Variants in DDB1 observed in about 807,000 individuals in gnomAD.
DDB1 encodes DNA damage-binding protein 1.
A neutral mutation model predicts 133.1 loss-of-function variants in DDB1; 18 were observed. That is an observed-to-expected ratio of 0.14 (90% confidence interval 0.09 to 0.20). DDB1 has a LOEUF of 0.20. DDB1 is among the 10% of genes least tolerant of loss of function. DDB1 has a pLI of 1.00. For synonymous variants in DDB1, 580 were observed against 550.5 expected (o/e 1.05, Z -0.75); for missense variants, 828 against 1,459.2 (o/e 0.57, Z 7.05).
intron 12 of DDB1, chr11:61,315,258 A>G (rs1856044474): frequency 6.6e-6 from 1 of 152,244 alleles, no homozygotes; most frequent in Non-Finnish European, 1.5e-5. Flanking sequence ...GTATAGAAAT[A>G]TATTGTATAA....
At position 61,333,038 on chromosome 11, in the gene DDB1, G is replaced by A; in HGVS notation, c.-70C>T. On this transcript the variant is annotated 5_prime_UTR_variant, in exon 1 of 27. Coordinates refer to ENST00000301764, the MANE Select transcript of DDB1 (RefSeq NM_001923.5). The stretch of plus-strand genomic sequence containing the variant: ...AAAGAGGGACACAAGCGAAAAGACA[G>A]GTGGCCCCCAACAGCGCGCAGCGAA... 1.4e-6 allele frequency: 2 copies of A among 1,383,598 alleles called. No individual in the cohort carries two copies. The highest frequency in any genetic ancestry group is 9.7e-7 in the Non-Finnish European group (1 of 1,036,146). The allele number at this position is 1,383,598 out of a possible 1,614,324, so 85.7% of individuals were successfully genotyped here. A position where few individuals can be genotyped will look rare whatever the true frequency, so the allele number is the denominator to read the frequency against.
At chr11:61,317,171 T>C (rs1856101916) in intron 10 of DDB1, among the ~76,000 whole-genome samples, 1 of 151,780 alleles carries the variant, frequency 6.6e-6, no homozygotes, top group Non-Finnish European at 1.5e-5. Context: ...TGGAGTGCAG[T>C]GGCCCGATCT....
At chr11:61,315,687 C>CGGTGGTCGCCGTAT in intron 12 of DDB1, 1 of 152,648 alleles carries the variant, frequency 6.6e-6, no homozygotes, top group Admixed American at 6.5e-5. Context: ...CAGGGTCACT[C>CGGTGGTCGCCGTAT]CAAACTTCAA....
In DDB1 at chr11:61,329,589, GA is replaced by G. The variant is rs1565039242; in HGVS notation, c.328-6del. 6.2e-7 allele frequency: 1 copy of G among 1,604,156 alleles called. No individual in the cohort carries two copies. The highest frequency in any genetic ancestry group is 2.2e-5 in the East Asian group (1 of 44,538). ...TGAGGGGCGGCCAATGCGGTCCTGA[GA>G]AACAAAATCGGGATTAGGGAAGAAC... On this transcript the variant is annotated splice_region_variant and splice_polypyrimidine_tract_variant and intron_variant, in intron 3 of 26. Transcript: ENST00000301764.
In DDB1 at chr11:61,325,605, G is replaced by C. The variant is rs182857020; in HGVS notation, c.762+6C>G. 1.1e-5 allele frequency: 18 copies of C among 1,611,500 alleles called. No individual in the cohort carries two copies. The highest frequency in any genetic ancestry group is 1.4e-5 in the Non-Finnish European group (17 of 1,178,116). ...TGAAAGGAAAAAAAGGTAGGACTGC[G>C]CTCACCTTGATGATAGGAGGGGCAA... On this transcript the variant is annotated splice_donor_region_variant and intron_variant, in intron 6 of 26. Transcript: ENST00000301764.
At chr11:61,314,576 C>A (rs762875592) in intron 12 of DDB1, 90 bp from the exon 13 acceptor site, 1 of 1,292,894 alleles carries the variant, frequency 7.7e-7, no homozygotes, top group South Asian at 1.5e-5. Context: ...CCTAATAGAG[C>A]CCTACGAATA....
chr11:61,311,636 T>C, intron 18 of DDB1, 148 bp downstream of exon 18: 2 of 648,728 alleles, frequency 3.1e-6, no homozygotes, highest in Non-Finnish European at 5.2e-6. Context: ...TGCCTACAGC[T>C]GCTTTCAGGC....
Position 61,312,000 on chromosome 11 carries a change from AT to A in DDB1, c.2153del (p.Tyr718LeufsTer35). 3.1e-6 allele frequency: 5 copies of A among 1,614,190 alleles called. No homozygotes were observed. The highest frequency in any genetic ancestry group is 4.2e-6 in the Non-Finnish European group (5 of 1,180,034). ...ACCCTGGGCCTCACCTTGGAGACTC[AT>A]AGAGGGGAACTGTGCGAATGTGCAG... ...QKLHIRTVPL[Y>X]ESPRKICYQE... On this transcript the variant is annotated frameshift_variant, in exon 17 of 27. Coordinates refer to ENST00000301764, the MANE Select transcript of DDB1 (RefSeq NM_001923.5). LOFTEE classifies it high-confidence loss of function.
rs779439822 is a variant in DDB1, at chr11:61,302,319, C to T, written c.3153G>A (p.Leu1051=). Reference sequence around the variant, plus strand: ...TATTGAGTCGATTCTGCATGTCCAGCAGGAGGTTGTACCAGCTCTCTGACA... The same window carrying T: ...TATTGAGTCGATTCTGCATGTCCAGTAGGAGGTTGTACCAGCTCTCTGACA... ...TSLSESWYNL[L]LDMQNRLNKV... is the part of the protein sequence containing the mutation. Residue 1051 remains leucine (L), a synonymous_variant, in exon 25 of 27, where the codon CTG becomes CTA. Coordinates refer to ENST00000301764, the MANE Select transcript of DDB1 (RefSeq NM_001923.5). 2 of 1,614,086 alleles carry T rather than the reference C, an allele frequency of 1.2e-6. No individual in the cohort carries two copies. Among genetic ancestry groups the T allele is most frequent in the Non-Finnish European group, 1.7e-6 (2 of 1,180,034 alleles).
intron 6 of DDB1, among the ~76,000 whole-genome samples, chr11:61,324,879 T>G (rs1051962210): frequency 6.6e-6 from 1 of 152,212 alleles, no homozygotes; most frequent in Non-Finnish European, 1.5e-5. Context: ...CTGGGCACAG[T>G]GGCTCATGCC....
chr11:61,323,073 T>C lies in DDB1; in HGVS notation c.943A>G (p.Thr315Ala), dbSNP rs761566175. 6.2e-7 allele frequency: 1 copy of C among 1,613,922 alleles called. No individual in the cohort carries two copies. The highest frequency in any genetic ancestry group is 8.5e-7 in the Non-Finnish European group (1 of 1,179,974). ...AACACAACACCATTATCAAGGTATG[T>C]CAAGCACTCAGCAATAGAGGTCTGG... ...LGETSIAECL[T>A]YLDNGVVFVG... is the part of the protein sequence containing the mutation. The change falls in exon 8 of 27, where the codon ACA becomes GCA. Residue 315 changes from threonine (T) to alanine (A), a missense_variant. Physicochemically the swap from Thr to Ala is moderately conservative, Grantham distance 58. Transcript: ENST00000301764.
chr11:61,307,207 C>A (rs932616151), intron 21 of DDB1, among the ~76,000 whole-genome samples: 2 of 152,352 alleles, frequency 1.3e-5, no homozygotes, highest in Admixed American at 6.5e-5. Context: ...AAATTCTTAT[C>A]CTGAAATTTC....
At chr11:61,319,277 T>C (rs1217840814) in intron 10 of DDB1, among the ~76,000 whole-genome samples, 1 of 152,174 alleles carries the variant, frequency 6.6e-6, no homozygotes, top group Non-Finnish European at 1.5e-5. Context: ...ACCACTATCA[T>C]ACACTGAATT....
rs1359630394 is a variant in DDB1 at position 61,316,352 on chromosome 11, A to C, written c.1343T>G (p.Leu448Arg). Residue 448 changes from leucine (L) to arginine (R), a missense_variant, in exon 12 of 27, where the codon CTG becomes CGG. Physicochemically the swap from Leu to Arg is moderately radical, Grantham distance 102 (BLOSUM62 -2). Transcript: ENST00000301764. ...CTGCTGATCATCCACGAAACCCATC[A>C]GTTCGGTTTCTTCTACCTCCTCTCC... ...LNGEEVEETE[L>R]MGFVDDQQTF... 1.2e-6 allele frequency: 2 copies of C among 1,614,046 alleles called. No homozygotes were observed. Among genetic ancestry groups the C allele is most frequent in the African/African-American group, 2.7e-5 (2 of 74,898 alleles).
intron 16 of DDB1, 66 bp downstream of exon 16, chr11:61,313,433 G>GT: frequency 6.9e-7 from 1 of 1,451,092 alleles, no homozygotes; most frequent in Non-Finnish European, 9.6e-7. Flanking sequence ...TGAGGTAAGG[G>GT]TTTGAGGAAA....
chr11:61,313,444 A>G, intron 16 of DDB1, 55 bp downstream of exon 16: 1 of 1,507,956 alleles, frequency 6.6e-7, no homozygotes, highest in Non-Finnish European at 9.2e-7. Flanking sequence ...TTTGAGGAAA[A>G]CATCATGACC....
At position 61,299,479 on chromosome 11, in the gene DDB1, AAAACTCAG is replaced by A. The variant is rs1158716549; in HGVS notation, c.*649_*656del. ...CTTCTTATATTCTACTTTATTTGGT[AAAACTCAG>A]AAACTAACAATTCACATCCTCCCAC... is the stretch of plus-strand genomic sequence containing the variant. On this transcript the variant is annotated 3_prime_UTR_variant, in exon 27 of 27. Transcript: ENST00000301764. The A allele has an allele frequency of 1.3e-5, 2 of 152,346 alleles. No individual in the cohort carries two copies. Among genetic ancestry groups the A allele is most frequent in the Non-Finnish European group, 2.9e-5 (2 of 68,148 alleles). 9.4% of individuals were successfully genotyped at this position (152,346 alleles called of 1,614,324 possible). A position where few individuals can be genotyped will look rare whatever the true frequency, so the allele number is the denominator to read the frequency against.
At chr11:61,323,330 C>T in intron 7 of DDB1, 1 of 534,674 alleles carries the variant, frequency 1.9e-6, no homozygotes, top group Non-Finnish European at 3.4e-6. Flanking sequence ...CTTGCATATT[C>T]CTGCTCCAAA....
chr11:61,303,211 A>C, intron 22 of DDB1, 56 bp from the exon 23 acceptor site: 1 of 1,521,128 alleles, frequency 6.6e-7, no homozygotes, highest in South Asian at 1.1e-5. Context: ...CACGGAATCC[A>C]GTTCTGGGAC....
Sources: allele counts gnomAD v4.1 joint callset (sites outside exome capture counted in the v4.1 genomes callset), GRCh38; gene constraint gnomAD v4.1.1; transcripts MANE v1.5; gene names NCBI Gene and HGNC (gene_info 2026-07-23, HGNC 2026-07-21).